MAN1C1: variants seen among roughly 807,000 people sequenced by gnomAD.
MAN1C1 encodes the protein mannosyl-oligosaccharide 1,2-alpha-mannosidase IC.
A neutral mutation model predicts 71.5 loss-of-function variants in MAN1C1; 49 were observed. The observed-to-expected ratio is 0.69, with a 90% CI of 0.54 to 0.87. The LOEUF is 0.87. Ranked by LOEUF, MAN1C1 falls within the 40% of genes least tolerant of loss-of-function variation. The probability of loss-of-function intolerance (pLI) is 0.00; values close to 1 mark genes in which losing one functional copy is unlikely to be tolerated. For missense variants in MAN1C1, 743 were observed against 835.0 expected, an observed-to-expected ratio of 0.89 and a Z score of 1.36; for synonymous variants, 352 against 343.7, an observed-to-expected ratio of 1.02 and a Z score of -0.27.
chr1:25,658,494 A>G (rs1214620457), intron 1 of MAN1C1, among the ~76,000 whole-genome samples: 1 of 152,072 alleles, frequency 6.6e-6, no homozygotes, highest in Non-Finnish European at 1.5e-5. Context: ...TCTCTCGCCT[A>G]GGCTAGAATA....
intron 1 of MAN1C1, among the ~76,000 whole-genome samples, chr1:25,626,372 T>G (rs1011600851): frequency 1.3e-5 from 2 of 152,120 alleles, no homozygotes; most frequent in African/African-American, 4.8e-5. Context: ...TTCTTTTTTT[T>G]TTTTGAGATG....
intron 2 of MAN1C1, among the ~76,000 whole-genome samples, chr1:25,734,921 G>A (rs1238471640): frequency 6.6e-6 from 1 of 152,244 alleles, no homozygotes; most frequent in East Asian, 1.9e-4. Context: ...GGGAGAGTCA[G>A]GGATGTCTTC....
chr1:25,688,470 T>C (rs2046264020), intron 2 of MAN1C1, among the ~76,000 whole-genome samples: 1 of 152,214 alleles, frequency 6.6e-6, no homozygotes, highest in African/African-American at 2.4e-5. Context: ...TGATGATTCC[T>C]GAAACTGCAC....
chr1:25,757,634 T>TGCAGGCAC (rs759789101), intron 5 of MAN1C1, among the ~76,000 whole-genome samples: 25 of 152,198 alleles, frequency 1.6e-4, no homozygotes, highest in Non-Finnish European at 5.9e-5. Flanking sequence ...GTCTTACGGA[T>TGCAGGCAC]GCAGGCACGG....
chr1:25,626,509 C>T (rs2045296841), intron 1 of MAN1C1, among the ~76,000 whole-genome samples: 1 of 152,058 alleles, frequency 6.6e-6, no homozygotes, highest in African/African-American at 2.4e-5. Context: ...CAGGTGTCCG[C>T]CACCACGCCT....
intron 1 of MAN1C1, among the ~76,000 whole-genome samples, chr1:25,620,700 TAA>T (rs774331338): frequency 6.6e-6 from 1 of 152,054 alleles, no homozygotes; most frequent in Non-Finnish European, 1.5e-5. Flanking sequence ...TGGCATCAGA[TAA>T]AAAAAGGCCC....
chr1:25,643,421 AT>A (rs11326338), intron 1 of MAN1C1, among the ~76,000 whole-genome samples: 6,269 of 115,460 alleles, frequency 0.054, 463 homozygotes, highest in African/African-American at 0.21. Context: ...CGCCTGGCTA[AT>A]TTTTTTTTTT....
intron 2 of MAN1C1, among the ~76,000 whole-genome samples, chr1:25,742,292 G>T (rs2047073351): frequency 6.6e-6 from 1 of 152,186 alleles, no homozygotes. Context: ...ACCCAAGTTG[G>T]ATCTGGCTTT....
rs1434432040 is a variant in MAN1C1, at chr1:25,634,142, T to C, written c.540+15805T>C. Among the ~76,000 whole-genome samples the C allele has an allele frequency of 1.3e-5, 2 of 152,232 alleles. No homozygotes were observed. Among genetic ancestry groups the C allele is most frequent in the African/African-American group, 4.8e-5 (2 of 41,466 alleles). Reference sequence around the variant, plus strand: ...ATATTTTTTGGTAGCTTTCTTAGGATCTGTTATGTATACAATCATGTTGTC... The same window carrying C: ...ATATTTTTTGGTAGCTTTCTTAGGACCTGTTATGTATACAATCATGTTGTC... On this transcript the variant is annotated intron_variant, in intron 1 of 11. Transcript: ENST00000374332. This position sits in a 1 kb window ranked among gnomAD's most constrained non-coding sequence, Gnocchi z 4.6.
At chr1:25,783,173 C>T (rs2047720591) in intron 11 of MAN1C1, among the ~76,000 whole-genome samples, 1 of 152,160 alleles carries the variant, frequency 6.6e-6, no homozygotes, top group Non-Finnish European at 1.5e-5. Context: ...TGCTTTAACC[C>T]TTTAGGGTGG....
At chr1:25,767,828 CACACACACT>C (rs1373231331) in intron 7 of MAN1C1, among the ~76,000 whole-genome samples, 26 of 134,462 alleles carry the variant, frequency 1.9e-4, no homozygotes, top group African/African-American at 7.1e-4. Context: ...ACACTCCCCT[CACACACACT>C]ACACACACAT....
rs2045123563 is a variant in MAN1C1, at chr1:25,617,697, AC to A, written c.-96del. 3.6e-6 allele frequency: 4 copies of A among 1,120,850 alleles called. No individual in the cohort carries two copies. Among genetic ancestry groups the A allele is most frequent in the Non-Finnish European group, 4.9e-6 (4 of 813,288 alleles). 69.4% of individuals were successfully genotyped at this position (1,120,850 alleles called of 1,614,324 possible). A position where few individuals can be genotyped will look rare whatever the true frequency, so the allele number is the denominator to read the frequency against. On this transcript the variant is annotated 5_prime_UTR_variant, in exon 1 of 12. Coordinates refer to ENST00000374332, the MANE Select transcript of MAN1C1 (RefSeq NM_020379.4). The surrounding 1 kb of genome is among the most constrained non-coding windows in gnomAD (Gnocchi z 5.1). ...TCAGGGTTGGCAACCCTGCCCAGGGACCCCCATCCCGGGCGGCGCTCCGGAC... is the reference window on the plus strand; with the variant it reads ...TCAGGGTTGGCAACCCTGCCCAGGGACCCCATCCCGGGCGGCGCTCCGGAC...
At chr1:25,709,458 G>A (rs953608607) in intron 2 of MAN1C1, 1 of 152,236 alleles carries the variant, frequency 6.6e-6, no homozygotes, top group Non-Finnish European at 1.5e-5. Flanking sequence ...AGTGTTCTGG[G>A]AGGCAGGCAC....
At chr1:25,771,830 CG>C in intron 8 of MAN1C1, 58 bp downstream of exon 8, 1 of 1,432,228 alleles carries the variant, frequency 7.0e-7, no homozygotes, top group Admixed American at 1.7e-5. Flanking sequence ...GGCTCTCTCA[CG>C]GCCGAGCGAG....
At position 25,656,829 on chromosome 1, in the gene MAN1C1, T is replaced by C. The variant is rs1204749297; in HGVS notation, c.541-29611T>C. On this transcript the variant is annotated intron_variant, in intron 1 of 11. Transcript: ENST00000374332. ...TGGAAAGATAGACCAACCTTGCGTC[T>C]TTTTTTTTTTTTTTGAGATGGAATC... Among the ~76,000 whole-genome samples, 3 of 91,698 alleles carry C rather than the reference T, an allele frequency of 3.3e-5. No individual in the cohort carries two copies. The East Asian group carries it at 1.5e-3, about 47-fold the overall frequency. The allele number at this position is 91,698 out of a possible 152,430, so 60.2% of individuals were successfully genotyped here. A position where few individuals can be genotyped will look rare whatever the true frequency, so the allele number is the denominator to read the frequency against.
chr1:25,652,859 G>A (rs190902376), intron 1 of MAN1C1, among the ~76,000 whole-genome samples: 5 of 152,268 alleles, frequency 3.3e-5, no homozygotes, highest in Admixed American at 2.0e-4. Flanking sequence ...AGGCTCAAGC[G>A]ATCCTCCCAC....
chr1:25,707,648 A>G (rs1350039825), intron 2 of MAN1C1, among the ~76,000 whole-genome samples: 1 of 152,158 alleles, frequency 6.6e-6, no homozygotes, highest in Non-Finnish European at 1.5e-5. Context: ...CTTACCATTC[A>G]TTCATTTGTT....
intron 1 of MAN1C1, among the ~76,000 whole-genome samples, chr1:25,635,647 C>T (rs1272868086): frequency 6.6e-6 from 1 of 152,138 alleles, no homozygotes; most frequent in Non-Finnish European, 1.5e-5. Flanking sequence ...CAGGGTTTCA[C>T]CATGTTGGTC....
chr1:25,738,339 A>G (rs2047011468), intron 2 of MAN1C1, among the ~76,000 whole-genome samples: 2 of 152,216 alleles, frequency 1.3e-5, no homozygotes, highest in South Asian at 4.2e-4. Flanking sequence ...AATGGGTTTT[A>G]TGCCGCCAGA....
Sources: gnomAD v4.1 joint callset for allele counts (sites outside exome capture counted in the v4.1 genomes callset) on GRCh38, gnomAD v4.1.1 for gene constraint, Gnocchi (gnomAD v3.1) non-coding constraint, MANE v1.5 for transcripts, NCBI Gene and HGNC (gene_info 2026-07-23, HGNC 2026-07-21) for gene names.